CEP89: variants seen among roughly 807,000 people sequenced by gnomAD.
CEP89 encodes centrosomal protein 89, also known as centrosomal protein of 89 kDa.
A neutral mutation model predicts 97.6 loss-of-function variants in CEP89; 95 were observed. That is an observed-to-expected ratio of 0.97 (90% CI 0.82 to 1.15). The LOEUF is 1.15. CEP89 is among the 50% of genes most tolerant of loss of function. The pLI is 0.00. For missense variants in CEP89, 869 were observed against 947.7 expected, an observed-to-expected ratio of 0.92 and a Z score of 1.09; for synonymous variants, 354 against 349.1, an observed-to-expected ratio of 1.01 and a Z score of -0.16.
chr19:32,965,550 G>A (rs1971262864), intron 2 of CEP89, among the ~76,000 whole-genome samples: 1 of 151,734 alleles, frequency 6.6e-6, no homozygotes, highest in Non-Finnish European at 1.5e-5. Flanking sequence ...AGAAAAATTA[G>A]TTGGGCATGG....
intron 14 of CEP89, among the ~76,000 whole-genome samples, chr19:32,914,684 G>C (rs1465864370): frequency 5.9e-5 from 9 of 152,026 alleles, no homozygotes; most frequent in Non-Finnish European, 1.2e-4. Context: ...AGGAGAGCCA[G>C]GCTCTACTTT....
intron 12 of CEP89, 106 bp downstream of exon 12, chr19:32,923,333 A>G: frequency 1.8e-6 from 1 of 568,584 alleles, no homozygotes; most frequent in Non-Finnish European, 3.1e-6. Context: ...CTCCCGTAAA[A>G]TATTTTAGTT....
Position 32,926,389 on chromosome 19 carries a change from T to C in CEP89, c.1081-116A>G, listed in dbSNP as rs948958071. On this transcript the variant is annotated intron_variant, in intron 10 of 18. Coordinates refer to ENST00000305768, the MANE Select transcript of CEP89 (RefSeq NM_032816.5). ...GAAATGGTTTCTTTGGTTGCAGTTG[T>C]TATTGTTTTTTAACGACTCTCCCAG... is the stretch of plus-strand genomic sequence containing the variant. The C allele has an allele frequency of 4.1e-5, 31 of 755,430 alleles. No individual in the cohort carries two copies. The East Asian group carries it at 6.7e-4, about 16-fold the overall frequency. The allele number at this position is 755,430 out of a possible 1,614,324, so 46.8% of individuals were successfully genotyped here.
At chr19:32,885,334 T>C (rs1969372216) in intron 17 of CEP89, among the ~76,000 whole-genome samples, 1 of 152,170 alleles carries the variant, frequency 6.6e-6, no homozygotes. Context: ...GCAGGACTCA[T>C]TGTTGAGACA....
chr19:32,958,508 A>G (rs1971097863), intron 3 of CEP89, among the ~76,000 whole-genome samples: 1 of 150,836 alleles, frequency 6.6e-6, no homozygotes, highest in African/African-American at 2.4e-5. Flanking sequence ...GCAAAATCTC[A>G]TCTCTACTAA....
chr19:32,910,186 A>G (rs1969968172), intron 14 of CEP89, among the ~76,000 whole-genome samples: 1 of 152,140 alleles, frequency 6.6e-6, no homozygotes, highest in Non-Finnish European at 1.5e-5. Flanking sequence ...GCTTGAACCC[A>G]GAAGGCAGAG....
chr19:32,949,561 T>G (rs762582156), intron 4 of CEP89, among the ~76,000 whole-genome samples: 2 of 151,988 alleles, frequency 1.3e-5, no homozygotes, highest in African/African-American at 2.4e-5. Flanking sequence ...TTTTTAAATT[T>G]TTTGTAGAGA....
At chr19:32,960,575 C>T (rs1222526215) in intron 2 of CEP89, among the ~76,000 whole-genome samples, 2 of 151,858 alleles carry the variant, frequency 1.3e-5, no homozygotes, top group African/African-American at 2.4e-5. Context: ...TTTGGGAGGC[C>T]GAGGTGGGTG....
intron 4 of CEP89, among the ~76,000 whole-genome samples, chr19:32,948,870 G>A (rs745968018): frequency 1.2e-4 from 19 of 152,064 alleles, no homozygotes; most frequent in Non-Finnish European, 2.4e-4. Flanking sequence ...GACCACAGGC[G>A]TGCACCACCA....
intron 3 of CEP89, among the ~76,000 whole-genome samples, chr19:32,955,744 C>T (rs1568580058): frequency 1.3e-5 from 2 of 152,094 alleles, no homozygotes; most frequent in Admixed American, 6.6e-5. Context: ...GAACTCCTGA[C>T]CTCAAGTGAT....
chr19:32,916,838 C>A lies in CEP89; in HGVS notation c.1385-1321G>T, dbSNP rs550169846. On this transcript the variant is annotated intron_variant, in intron 13 of 18. Coordinates refer to ENST00000305768, the MANE Select transcript of CEP89 (RefSeq NM_032816.5). ...CCAGCCTGGCCAACATGGTGAAACACCCCTACTGAAAATACAAAAATTAGC... is the reference window on the plus strand; with the variant it reads ...CCAGCCTGGCCAACATGGTGAAACAACCCTACTGAAAATACAAAAATTAGC... 2.6e-4 allele frequency among the ~76,000 whole-genome samples: 40 copies of A among 152,028 alleles called. No homozygotes were observed. In the South Asian group the frequency reaches 8.1e-3, roughly 31 times the overall value.
chr19:32,892,591 C>G (rs2145877840), intron 16 of CEP89, among the ~76,000 whole-genome samples: 1 of 151,612 alleles, frequency 6.6e-6, no homozygotes, highest in Middle Eastern at 3.4e-3. Context: ...CAGGTGTGAG[C>G]CACTGTGCCC....
chr19:32,918,079 G>C, intron 13 of CEP89, 145 bp downstream of exon 13: 4 of 686,960 alleles, frequency 5.8e-6, no homozygotes, highest in Admixed American at 4.9e-5. Context: ...GACGTGGAAA[G>C]GTTATAAACA....
chr19:32,888,682 C>CA (rs141470151), intron 16 of CEP89, among the ~76,000 whole-genome samples: 1,842 of 126,842 alleles, frequency 0.015, 31 homozygotes, highest in African/African-American at 0.044. Context: ...GATTCTGTCT[C>CA]AAAAAAAAAA....
At chr19:32,890,573 C>T (rs79689188) in intron 16 of CEP89, among the ~76,000 whole-genome samples, 14,797 of 152,014 alleles carry the variant, frequency 0.097, 907 homozygotes, top group Middle Eastern at 0.17. Flanking sequence ...GAGGGCTGGG[C>T]GGCACCCGCG....
intron 17 of CEP89, among the ~76,000 whole-genome samples, chr19:32,887,226 G>T (rs1426304790): frequency 6.7e-6 from 1 of 148,648 alleles, no homozygotes; most frequent in African/African-American, 2.5e-5. Flanking sequence ...TTTGGTTTTG[G>T]TTTTTTTTTG....
At chr19:32,886,413 A>T (rs1356810216) in intron 17 of CEP89, among the ~76,000 whole-genome samples, 1 of 152,094 alleles carries the variant, frequency 6.6e-6, no homozygotes, top group East Asian at 1.9e-4. Context: ...CTCTGAATTC[A>T]GCCTGGTTTG....
Position 32,951,566 on chromosome 19 carries a change from C to CACACAA in CEP89, c.492+2048_492+2049insTTGTGT, listed in dbSNP as rs1555794438. Among the ~76,000 whole-genome samples, 1,399 of 150,314 alleles carry CACACAA rather than the reference C, an allele frequency of 9.3e-3. 10 individuals carry two copies. Among genetic ancestry groups the CACACAA allele is most frequent in the Non-Finnish European group, 0.016 (1,052 of 67,480 alleles). ...ACACACACACACACACACACACACA[C>CACACAA]GCACACTACTACAGTTGTTTACTTA... On this transcript the variant is annotated intron_variant, in intron 4 of 18. Coordinates refer to ENST00000305768, the MANE Select transcript of CEP89 (RefSeq NM_032816.5).
intron 5 of CEP89, 138 bp downstream of exon 5, chr19:32,948,128 A>C (rs554193502): frequency 1.8e-6 from 1 of 549,860 alleles, no homozygotes; most frequent in South Asian, 2.8e-5. Context: ...ATAAAAAATA[A>C]ATTTCAATTA....
Sources: allele counts gnomAD v4.1 joint callset (sites outside exome capture counted in the v4.1 genomes callset), GRCh38; gene constraint gnomAD v4.1.1; transcripts MANE v1.5; gene names NCBI Gene and HGNC (gene_info 2026-07-23, HGNC 2026-07-21).